Variants in TTN observed in about 807,000 individuals in gnomAD.
TTN encodes titin.
Under a neutral mutation model 3,223.0 loss-of-function variants are expected in TTN, and 1,525 were observed. That is an observed-to-expected ratio of 0.47 (90% CI 0.45 to 0.49). TTN has a LOEUF of 0.49. TTN is among the 20% of genes least tolerant of loss of function. The probability of loss-of-function intolerance (pLI) is 0.00; values close to 1 mark genes in which losing one functional copy is unlikely to be tolerated. For missense variants in TTN, 40,786 were observed against 43,424.0 expected (o/e 0.94, Z 5.40); for synonymous variants, 14,094 against 15,161.0 (o/e 0.93, Z 5.17).
intron 332 of TTN, 46 bp downstream of exon 332, chr2:178,554,407 T>A: frequency 6.3e-7 from 1 of 1,581,856 alleles, no homozygotes; most frequent in East Asian, 2.3e-5. Context: ...CGTAGTTTAT[T>A]TTTAAATTTT....
intron 347 of TTN, 43 bp from the exon 348 acceptor site, chr2:178,542,992 T>C: frequency 6.5e-7 from 1 of 1,545,858 alleles, no homozygotes. Context: ...GCATTATTTT[T>C]ATGGTAAATT....
Position 178,730,345 on chromosome 2 carries a change from G to A in TTN, c.18055C>T (p.Gln6019Ter). Residue 6019 changes from glutamine to a stop codon, truncating the protein, a stop_gained, in exon 62 of 363, where the codon CAG (glutamine) becomes TAG (stop). Coordinates refer to ENST00000589042, the MANE Select transcript of TTN (RefSeq NM_001267550.2). LOFTEE classifies it high-confidence loss of function. ...KEPPYFVEKPQSQDVNPNTRV... is the reference protein window; with the variant it reads ...KEPPYFVEKP ...GTGTTGGGATTGACATCTTGTGACT[G>A]TGGCTTTTCCACAAAGTAAGGGGGT... The A allele has an allele frequency of 6.2e-7, 1 of 1,606,288 alleles. No homozygotes were observed.
rs1372388861 is a variant in TTN at position 178,665,377 on chromosome 2, T to C, written c.36043A>G (p.Thr12015Ala). ...PEEPETPRMKTPEAPQEIIPA... is the reference protein window; with the variant it reads ...PEEPETPRMKAPEAPQEIIPA... ...CCACATTTGTTCAGAGGTAACGTAC[T>C]TTTCATACGTGGAGTTTCTGGCTCT... is the stretch of plus-strand genomic sequence containing the variant. Residue 12015 changes from threonine to alanine, a missense_variant and splice_region_variant, in exon 165 of 363, where the codon ACG (threonine) becomes GCG (alanine). Coordinates refer to ENST00000589042, the MANE Select transcript of TTN (RefSeq NM_001267550.2). 4 of 1,611,952 alleles carry C rather than the reference T, an allele frequency of 2.5e-6. No homozygotes were observed. Among genetic ancestry groups the C allele is most frequent in the Non-Finnish European group, 3.4e-6 (4 of 1,179,254 alleles).
chr2:178,598,389 G>T, intron 292 of TTN, 117 bp downstream of exon 292: 1 of 1,230,138 alleles, frequency 8.1e-7, no homozygotes, highest in Non-Finnish European at 1.1e-6. Flanking sequence ...TTAAAATTAT[G>T]CTATTTTCCT....
At position 178,537,486 on chromosome 2, in the gene TTN, C is replaced by T. The variant is rs1318192796; in HGVS notation, c.99721G>A (p.Glu33241Lys). The T allele has an allele frequency of 1.2e-6, 2 of 1,613,606 alleles. No homozygotes were observed. The highest frequency in any genetic ancestry group is 2.2e-5 in the South Asian group (2 of 91,064). The change falls in exon 355 of 363, where the codon GAA (glutamate) becomes AAA (lysine). Residue 33241 changes from glutamate to lysine, a missense_variant. Physicochemically the swap from Glu to Lys is moderately conservative, Grantham distance 56. Coordinates refer to ENST00000589042, the MANE Select transcript of TTN (RefSeq NM_001267550.2). Reference sequence around the variant, plus strand: ...TCAGTGTTTTCAATAGTAATGTTTTCTGAGTTTTGCAAAAGTTTCTGACCA... The same window carrying T: ...TCAGTGTTTTCAATAGTAATGTTTTTTGAGTTTTGCAAAAGTTTCTGACCA... ...FHGQKLLQNS[E>K]NITIENTEHY...
chr2:178,718,373 T>C lies in TTN; in HGVS notation c.24733A>G (p.Ile8245Val). The change falls in exon 85 of 363, where the codon ATA becomes GTA. Residue 8245 changes from isoleucine to valine, a missense_variant. Ile to Val is a conservative substitution (Grantham distance 29). Coordinates refer to ENST00000589042, the MANE Select transcript of TTN (RefSeq NM_001267550.2). ...ATATCTTGACCAGCCTCATTTTCTA[T>C]CAGGCAGCTGTACTGTGCATAATCC... ...IEDYAQYSCLIENEAGQDICE... is the reference protein window; with the variant it reads ...IEDYAQYSCLVENEAGQDICE... 6.2e-7 allele frequency: 1 copy of C among 1,613,776 alleles called. No individual in the cohort carries two copies. Among genetic ancestry groups the C allele is most frequent in the Non-Finnish European group, 8.5e-7 (1 of 1,179,738 alleles).
rs760487831 is a variant in TTN at position 178,531,245 on chromosome 2, T to G, written c.105370A>C (p.Lys35124Gln). The G allele has an allele frequency of 1.4e-5, 23 of 1,613,890 alleles. No homozygotes were observed. Among genetic ancestry groups the G allele is most frequent in the Non-Finnish European group, 1.9e-5 (22 of 1,179,882 alleles). The change falls in exon 358 of 363, where the codon AAG becomes CAG. Residue 35124 changes from lysine (K) to glutamine (Q), a missense_variant. Transcript: ENST00000589042. ...AGAATTCTTGCTGCCAAAGTCGTCT[T>G]GATCTTTCTGGTTGTGGATTTTTCT... is the stretch of plus-strand genomic sequence containing the variant. ...LEEKSTTRKI[K>Q]TTLAARILTK...
chr2:178,775,542 C>T lies in TTN; in HGVS notation c.6322G>A (p.Glu2108Lys), dbSNP rs762999586. 2.3e-5 allele frequency: 37 copies of T among 1,613,812 alleles called. No homozygotes were observed. The highest frequency in any genetic ancestry group is 1.6e-4 in the Middle Eastern group (1 of 6,084). Residue 2108 changes from glutamate (E) to lysine (K), a missense_variant, in exon 28 of 363, where the codon GAA becomes AAA. By Grantham distance (56) the Glu-to-Lys change is moderately conservative. Transcript: ENST00000589042. ...RVRVVGKPDP[E>K]CEWYKNGVKI... ...ACACCATTTTTGTACCATTCACATT[C>T]GGGGTCTGGTTTCCCCACGACTCTG...
intron 356 of TTN, 166 bp from the exon 357 acceptor site, chr2:178,536,741 G>A: frequency 2.5e-6 from 2 of 800,646 alleles, no homozygotes. Flanking sequence ...AAAAACCAAA[G>A]TTCTATTTTT....
At position 178,759,186 on chromosome 2, in the gene TTN, G is replaced by C; in HGVS notation, c.10115-14C>G. 1 of 1,613,684 alleles carries C rather than the reference G, an allele frequency of 6.2e-7. No homozygotes were observed. The highest frequency in any genetic ancestry group is 1.1e-5 in the South Asian group (1 of 91,044). On this transcript the variant is annotated splice_polypyrimidine_tract_variant and intron_variant, in intron 43 of 362. Transcript: ENST00000589042. Reference sequence around the variant, plus strand: ...ACACTTTTAGATCTGCGACACAAAAGAAAAGAGATACTTCAACCACAAAAA... The same window carrying C: ...ACACTTTTAGATCTGCGACACAAAACAAAAGAGATACTTCAACCACAAAAA...
intron 7 of TTN, 102 bp downstream of exon 7, chr2:178,794,820 T>A: frequency 6.8e-7 from 1 of 1,462,168 alleles, no homozygotes; most frequent in South Asian, 1.2e-5. Flanking sequence ...TATGTTCATA[T>A]GCATTTTTCC....
chr2:178,733,020 T>A lies in TTN; in HGVS notation c.16156A>T (p.Met5386Leu). The A allele has an allele frequency of 1.2e-6, 2 of 1,613,482 alleles. No individual in the cohort carries two copies. Among genetic ancestry groups the A allele is most frequent in the Non-Finnish European group, 1.7e-6 (2 of 1,179,690 alleles). Residue 5386 changes from methionine (M) to leucine (L), a missense_variant, in exon 55 of 363, where the codon ATG becomes TTG. Met to Leu is a conservative substitution (Grantham distance 15). Transcript: ENST00000589042. The stretch of plus-strand genomic sequence containing the variant: ...CCATCCTTAAACCAGGACACCCTCA[T>A]GGGGAGGGAGCCTGCAATTTTGCAG... Reference protein sequence around the residue: ...LDCKIAGSLPMRVSWFKDGKE... With the variant: ...LDCKIAGSLPLRVSWFKDGKE...
At chr2:178,584,998 G>C (rs184855962) in intron 309 of TTN, 30 bp from the exon 310 acceptor site, 5 of 1,608,152 alleles carry the variant, frequency 3.1e-6, no homozygotes, top group Non-Finnish European at 4.2e-6. Context: ...AGAAATGTAA[G>C]AACAAGGATT....
chr2:178,759,321 C>T (rs2088305144), intron 43 of TTN, 149 bp from the exon 44 acceptor site: 2 of 752,696 alleles, frequency 2.7e-6, no homozygotes, highest in South Asian at 1.7e-5. Flanking sequence ...GCCATATCTA[C>T]TATTGTTAAA....
chr2:178,757,707 T>C lies in TTN; in HGVS notation c.10513A>G (p.Ile3505Val), dbSNP rs1416675035. Residue 3505 changes from isoleucine to valine, a missense_variant, in exon 45 of 363, where the codon ATT becomes GTT. Ile to Val is a conservative substitution (Grantham distance 29). Coordinates refer to ENST00000589042, the MANE Select transcript of TTN (RefSeq NM_001267550.2). Reference protein sequence around the residue: ...EIQWFHNQQLILPTKDVVFHF... With the variant: ...EIQWFHNQQLVLPTKDVVFHF... Reference sequence around the variant, plus strand: ...AAAACTACATCTTTTGTTGGTAGAATTAGCTGCTGGTTATGAAACCATTGG... The same window carrying C: ...AAAACTACATCTTTTGTTGGTAGAACTAGCTGCTGGTTATGAAACCATTGG... 2 of 1,613,698 alleles carry C rather than the reference T, an allele frequency of 1.2e-6. No homozygotes were observed. The highest frequency in any genetic ancestry group is 1.3e-5 in the African/African-American group (1 of 74,920).
Position 178,571,956 on chromosome 2 carries a change from T to A in TTN, c.74176A>T (p.Thr24726Ser). 6.2e-7 allele frequency: 1 copy of A among 1,613,230 alleles called. No homozygotes were observed. The highest frequency in any genetic ancestry group is 8.5e-7 in the Non-Finnish European group (1 of 1,179,572). The change falls in exon 326 of 363, where the codon ACT (threonine) becomes TCT (serine). Residue 24726 changes from threonine to serine, a missense_variant. Thr to Ser is a moderately conservative substitution (Grantham distance 58, BLOSUM62 1). Coordinates refer to ENST00000589042, the MANE Select transcript of TTN (RefSeq NM_001267550.2). ...PAFKLLFNTF[T>S]VLAGEDLKVD... Reference sequence around the variant, plus strand: ...TTTAGGTCTTCACCTGCCAGTACAGTGAAAGTATTGAACAGGAGTTTGAAG... The same window carrying A: ...TTTAGGTCTTCACCTGCCAGTACAGAGAAAGTATTGAACAGGAGTTTGAAG...
chr2:178,800,271 GC>G, intron 4 of TTN, 123 bp downstream of exon 4: 1 of 1,337,706 alleles, frequency 7.5e-7, no homozygotes, highest in Non-Finnish European at 1.0e-6. Flanking sequence ...CGAAAAGCCA[GC>G]TTTTATATCA....
Position 178,531,517 on chromosome 2 carries a change from CCTG to C in TTN, c.105095_105097del (p.Thr35032_Gly35033delinsArg), listed in dbSNP as rs2154133587. On this transcript the variant is annotated inframe_deletion, in exon 358 of 363. Transcript: ENST00000589042. ...GGAAGCATAGGTGGTATAATCCCCT[CCTG>C]TCACGTCCAACGTTGCATAGTCAGA... 1 of 1,613,932 alleles carries C rather than the reference CCTG, an allele frequency of 6.2e-7. No homozygotes were observed. The highest frequency in any genetic ancestry group is 8.5e-7 in the Non-Finnish European group (1 of 1,179,876).
rs1576247575 is a variant in TTN, at chr2:178,599,332, C to T, written c.56461G>A (p.Val18821Ile). 19 of 1,610,246 alleles carry T rather than the reference C, an allele frequency of 1.2e-5. 1 individual carries two copies. The highest frequency in any genetic ancestry group is 1.5e-5 in the Non-Finnish European group (18 of 1,178,492). ...DDGGSKITNYVIEKREANRKT... is the reference protein window; with the variant it reads ...DDGGSKITNYIIEKREANRKT... The stretch of plus-strand genomic sequence containing the variant: ...CTGTTAGCTTCTCTTTTCTCAATTA[C>T]ATAGTTTGTAATCTTAGACCCACCA... Residue 18821 changes from valine to isoleucine, a missense_variant, in exon 290 of 363, where the codon GTA (valine) becomes ATA (isoleucine). Val to Ile is a conservative substitution (Grantham distance 29, BLOSUM62 3). Coordinates refer to ENST00000589042, the MANE Select transcript of TTN (RefSeq NM_001267550.2).
Sources: allele counts gnomAD v4.1 joint callset, GRCh38; gene constraint gnomAD v4.1.1; transcripts MANE v1.5; gene names NCBI Gene and HGNC (gene_info 2026-07-23, HGNC 2026-07-21).